TLE1: variants seen among roughly 807,000 people sequenced by gnomAD.
The protein encoded by TLE1 is TLE family member 1, transcriptional corepressor, also known as transducin-like enhancer protein 1.
TLE1 carries 21 observed loss-of-function variants against 89.8 expected under a neutral mutation model. That is an observed-to-expected ratio of 0.23 (90% CI 0.17 to 0.34). TLE1 has a LOEUF of 0.34. Ranked by LOEUF, TLE1 falls within the 10% of genes least tolerant of loss-of-function variation. The pLI is 1.00. For missense variants in TLE1, 795 were observed against 1,031.2 expected (o/e 0.77, Z 3.14); for synonymous variants, 447 against 407.6 (o/e 1.10, Z -1.16).
chr9:81,677,424 G>A (rs774403387), intron 4 of TLE1, among the ~76,000 whole-genome samples: 1 of 151,470 alleles, frequency 6.6e-6, no homozygotes, highest in Non-Finnish European at 1.5e-5. Context: ...AATTAGCCGG[G>A]CATCGTGGCA....
chr9:81,648,447 A>C (rs1217470254), intron 6 of TLE1, among the ~76,000 whole-genome samples: 1 of 152,208 alleles, frequency 6.6e-6, no homozygotes, highest in Non-Finnish European at 1.5e-5. Flanking sequence ...CCAGGTATAC[A>C]CAGGTATCAA....
At chr9:81,669,464 T>C (rs529419262) in intron 4 of TLE1, among the ~76,000 whole-genome samples, 2 of 152,362 alleles carry the variant, frequency 1.3e-5, no homozygotes, top group South Asian at 2.1e-4. Context: ...GATCATCAGC[T>C]GAAGTCTGGA....
intron 8 of TLE1, among the ~76,000 whole-genome samples, chr9:81,631,350 A>G (rs1826579485): frequency 6.6e-6 from 1 of 152,256 alleles, no homozygotes; most frequent in South Asian, 2.1e-4. Flanking sequence ...GGTATAAAAT[A>G]CATCTCTACT....
intron 8 of TLE1, among the ~76,000 whole-genome samples, chr9:81,622,857 A>C (rs527363169): frequency 6.2e-4 from 94 of 152,250 alleles, no homozygotes; most frequent in African/African-American, 2.2e-3. Context: ...AGGCCCAGAA[A>C]CACCACACTC....
chr9:81,683,959 C>T (rs1420914456), intron 4 of TLE1, among the ~76,000 whole-genome samples: 3 of 152,068 alleles, frequency 2.0e-5, no homozygotes, highest in Non-Finnish European at 2.9e-5. Flanking sequence ...AGAAGAATTA[C>T]ACACCTCTTT....
intron 12 of TLE1, among the ~76,000 whole-genome samples, chr9:81,612,567 A>G (rs1446454315): frequency 3.9e-5 from 6 of 152,150 alleles, no homozygotes; most frequent in African/African-American, 7.2e-5. Context: ...ACTGCAGGAG[A>G]GACCACTGAT....
At chr9:81,647,413 C>T (rs1199559940) in intron 6 of TLE1, among the ~76,000 whole-genome samples, 1 of 152,220 alleles carries the variant, frequency 6.6e-6, no homozygotes, top group Non-Finnish European at 1.5e-5. Context: ...AAATGGCCAT[C>T]CTTTTTCACT....
At chr9:81,655,342 G>A (rs944260787) in intron 4 of TLE1, among the ~76,000 whole-genome samples, 10 of 151,998 alleles carry the variant, frequency 6.6e-5, no homozygotes, top group Non-Finnish European at 1.2e-4. Context: ...CAGCCTGTGC[G>A]ACAGTGAGAC....
At position 81,600,075 on chromosome 9, in the gene TLE1, C is replaced by CG. The variant is rs1563947697; in HGVS notation, c.1332-6802dup. ...GACCTAACTTCCTCTATCAATTACA[C>CG]GTTTCCAAACTTCTCAATGTGCTGG... On this transcript the variant is annotated intron_variant, in intron 14 of 19. Coordinates refer to ENST00000376499, the MANE Select transcript of TLE1 (RefSeq NM_005077.5). The CG allele has an allele frequency of 6.8e-6, 5 of 737,038 alleles. No individual in the cohort carries two copies. The South Asian group carries it at 7.3e-5, about 11-fold the overall frequency. The allele number at this position is 737,038 out of a possible 1,614,324, so 45.7% of individuals were successfully genotyped here.
chr9:81,678,957 A>G (rs1272478306), intron 4 of TLE1, among the ~76,000 whole-genome samples: 1 of 152,160 alleles, frequency 6.6e-6, no homozygotes. Context: ...CCTGGACAAC[A>G]TGCAGAAACC....
chr9:81,602,862 G>C (rs1831124437), intron 14 of TLE1, among the ~76,000 whole-genome samples: 1 of 152,008 alleles, frequency 6.6e-6, no homozygotes, highest in East Asian at 1.9e-4. Flanking sequence ...AAATGGGGAA[G>C]AATCTAACAC....
At chr9:81,658,965 G>C (rs1484548593) in intron 4 of TLE1, among the ~76,000 whole-genome samples, 2 of 151,640 alleles carry the variant, frequency 1.3e-5, no homozygotes, top group African/African-American at 4.8e-5. Context: ...CTGGAGTACA[G>C]TGGAGCCATC....
chr9:81,632,032 G>A (rs1358810224), intron 8 of TLE1, among the ~76,000 whole-genome samples: 1 of 152,120 alleles, frequency 6.6e-6, no homozygotes, highest in Non-Finnish European at 1.5e-5. Flanking sequence ...GGAGGTTGCA[G>A]TGAGCCGAGA....
intron 8 of TLE1, among the ~76,000 whole-genome samples, chr9:81,621,553 G>A (rs972410698): frequency 1.3e-5 from 2 of 152,234 alleles, no homozygotes; most frequent in Non-Finnish European, 1.5e-5. Flanking sequence ...AGGGCCAACA[G>A]ACAATTATGT....
intron 1 of TLE1, among the ~76,000 whole-genome samples, chr9:81,687,883 A>C (rs994291295): frequency 3.3e-5 from 5 of 151,964 alleles, no homozygotes; most frequent in African/African-American, 1.2e-4. Flanking sequence ...TTGACATGTA[A>C]ATAGGCGAGA....
At chr9:81,632,738 A>G (rs553718437) in intron 8 of TLE1, among the ~76,000 whole-genome samples, 126 of 151,580 alleles carry the variant, frequency 8.3e-4, no homozygotes, top group Admixed American at 2.2e-3. Flanking sequence ...AGCCCTGTCC[A>G]CTGAATTTCC....
chr9:81,644,048 G>A lies in TLE1; in HGVS notation c.372+8166C>T, dbSNP rs542359459. Among the ~76,000 whole-genome samples, 18 of 152,242 alleles carry A rather than the reference G, an allele frequency of 1.2e-4. No individual in the cohort carries two copies. In the South Asian group the frequency reaches 2.1e-3, roughly 18 times the overall value. ...AATGCAAATCAAAAACGGGAGATGC[G>A]GCCTCACACCCATTAGGATGCGGAG... On this transcript the variant is annotated intron_variant, in intron 6 of 19. Transcript: ENST00000376499.
intron 4 of TLE1, among the ~76,000 whole-genome samples, chr9:81,655,030 A>G (rs1456527228): frequency 3.3e-5 from 5 of 152,250 alleles, no homozygotes; most frequent in Non-Finnish European, 2.9e-5. Flanking sequence ...GCTGAACATA[A>G]TAAAAGGTGT....
rs140689682 is a variant in TLE1 at position 81,660,978 on chromosome 9, C to CACACAAA, written c.235-6943_235-6942insTTTGTGT. On this transcript the variant is annotated intron_variant, in intron 4 of 19. Transcript: ENST00000376499. The stretch of plus-strand genomic sequence containing the variant: ...ACACACACACACACACACACACACA[C>CACACAAA]ATTTAGCCTGGCGTGGTGGCACGTG... 3.0e-3 allele frequency among the ~76,000 whole-genome samples: 362 copies of CACACAAA among 121,820 alleles called. 16 individuals carry two copies. In the East Asian group the frequency reaches 0.082, roughly 28 times the overall value. The allele number at this position is 121,820 out of a possible 152,430, so 79.9% of individuals were successfully genotyped here. A position where few individuals can be genotyped will look rare whatever the true frequency, so the allele number is the denominator to read the frequency against.
Sources: allele counts gnomAD v4.1 joint callset (sites outside exome capture counted in the v4.1 genomes callset), GRCh38; gene constraint gnomAD v4.1.1; transcripts MANE v1.5; gene names NCBI Gene and HGNC (gene_info 2026-07-23, HGNC 2026-07-21).